The following PCDHGB3 variants were observed in gnomAD, a reference collection of about 807,000 sequenced individuals.
PCDHGB3 encodes protocadherin gamma subfamily B, 3.
In PCDHGB3, 40 loss-of-function variants were observed where a neutral mutation model predicts 59.2. That is an observed-to-expected ratio of 0.68 (90% confidence interval 0.52 to 0.88). PCDHGB3 has a LOEUF of 0.88. Ranked by LOEUF, PCDHGB3 falls within the 40% of genes least tolerant of loss-of-function variation. The pLI, the probability that PCDHGB3 is intolerant of heterozygous loss-of-function variation, is 0.00. For synonymous variants in PCDHGB3, 581 were observed against 503.6 expected (o/e 1.15, Z -2.06); for missense variants, 1,309 against 1,187.9 (o/e 1.10, Z -1.50).
rs549842756 is a variant in PCDHGB3 at position 141,470,331 on chromosome 5, A to T, written c.2416-24476A>T. ...TTTCCTCAAATGATCCCATAATTTG[A>T]CCTTAGGAAGCTGTTCAAATAGACA... is the stretch of plus-strand genomic sequence containing the variant. On this transcript the variant is annotated intron_variant, in intron 1 of 3. Transcript: ENST00000576222. 3.3e-4 allele frequency among the ~76,000 whole-genome samples: 50 copies of T among 152,244 alleles called. 1 individual carries two copies. Among genetic ancestry groups the T allele is most frequent in the African/African-American group, 1.1e-3 (47 of 41,536 alleles).
At chr5:141,374,121 A>G in intron 1 of PCDHGB3, 53 of 1,590,920 alleles carry the variant, frequency 3.3e-5, no homozygotes, top group Non-Finnish European at 4.5e-5. Context: ...CGCAGCGAGC[A>G]GGTCCTGCTC....
At chr5:141,438,607 T>C (rs924136790) in intron 1 of PCDHGB3, among the ~76,000 whole-genome samples, 2 of 27,412 alleles carry the variant, frequency 7.3e-5, no homozygotes. Flanking sequence ...TATATATATA[T>C]ATATATATAT....
intron 1 of PCDHGB3, chr5:141,375,574 G>A: frequency 6.2e-7 from 1 of 1,614,058 alleles, no homozygotes; most frequent in African/African-American, 1.3e-5. Context: ...ACACCCTCCA[G>A]GGGGCGCCCC....
chr5:141,395,542 TTGTGTGTGTGTGTGTGTGTG>T (rs55729045), intron 1 of PCDHGB3: 12 of 172,620 alleles, frequency 7.0e-5, no homozygotes, highest in Admixed American at 1.6e-4. Flanking sequence ...TTGCTATTGT[TTGTGTGTGTGTGTGTGTGTG>T]TGTGTGTGTG....
chr5:141,442,700 T>TC (rs1388243183), intron 1 of PCDHGB3, among the ~76,000 whole-genome samples: 5 of 152,198 alleles, frequency 3.3e-5, no homozygotes, highest in Non-Finnish European at 7.3e-5. Flanking sequence ...CAGACAAGAG[T>TC]ATCAGACATG....
intron 1 of PCDHGB3, among the ~76,000 whole-genome samples, chr5:141,437,686 G>A (rs1025629140): frequency 2.6e-5 from 4 of 151,740 alleles, no homozygotes; most frequent in African/African-American, 9.7e-5. Flanking sequence ...AACTGATGAG[G>A]CTAAATCTCA....
At chr5:141,451,597 C>CAAGG (rs1434393705) in intron 1 of PCDHGB3, among the ~76,000 whole-genome samples, 3 of 152,076 alleles carry the variant, frequency 2.0e-5, no homozygotes, top group Non-Finnish European at 2.9e-5. Flanking sequence ...AAGTGACATA[C>CAAGG]AAGGCTAGGC....
intron 1 of PCDHGB3, among the ~76,000 whole-genome samples, chr5:141,433,573 C>T (rs1400327372): frequency 1.3e-5 from 2 of 152,046 alleles, no homozygotes; most frequent in Admixed American, 1.3e-4. Flanking sequence ...CGGTGGCTCA[C>T]GCCTGTAATC....
At chr5:141,389,432 C>G in intron 1 of PCDHGB3, 1 of 1,610,650 alleles carries the variant, frequency 6.2e-7, no homozygotes, top group Non-Finnish European at 8.5e-7. Context: ...TCGCGCAGCG[C>G]GCCTTCGACC....
At chr5:141,405,385 A>G in intron 1 of PCDHGB3, 1 of 1,600,058 alleles carries the variant, frequency 6.2e-7, no homozygotes, top group Non-Finnish European at 8.5e-7. Flanking sequence ...CGGTGAGTTC[A>G]TTTTTTTTCT....
chr5:141,508,045 T>A (rs985875804), intron 3 of PCDHGB3: 1 of 152,264 alleles, frequency 6.6e-6, no homozygotes, highest in Non-Finnish European at 1.5e-5. Flanking sequence ...GCCAGCTGTG[T>A]TCCAGCTAAT....
At chr5:141,406,189 C>G (rs1277183811) in intron 1 of PCDHGB3, among the ~76,000 whole-genome samples, 1 of 151,722 alleles carries the variant, frequency 6.6e-6, no homozygotes, top group Admixed American at 6.6e-5. Context: ...CCTCCCACCT[C>G]AGCCTTCACA....
chr5:141,417,711 C>A, intron 1 of PCDHGB3: 1 of 1,261,876 alleles, frequency 7.9e-7, no homozygotes, highest in Non-Finnish European at 1.1e-6. Flanking sequence ...CACAGAGGCT[C>A]CCGGCTGCGC....
intron 1 of PCDHGB3, among the ~76,000 whole-genome samples, chr5:141,448,985 A>G (rs2098621528): frequency 6.6e-6 from 1 of 152,026 alleles, no homozygotes; most frequent in South Asian, 2.1e-4. Context: ...TTCCATATTA[A>G]TATATAGAAA....
chr5:141,405,279 C>G, intron 1 of PCDHGB3: 1 of 1,614,144 alleles, frequency 6.2e-7, no homozygotes, highest in Non-Finnish European at 8.5e-7. Flanking sequence ...CCCAACTATG[C>G]AGACACACTC....
chr5:141,392,690 G>T, intron 1 of PCDHGB3: 1 of 1,127,490 alleles, frequency 8.9e-7, no homozygotes, highest in Non-Finnish European at 1.2e-6. Flanking sequence ...AGCGAAACCC[G>T]ACCCCTGTTT....
In PCDHGB3 at chr5:141,399,794, C is replaced by A. The variant is rs2093888579; in HGVS notation, c.2415+26985C>A. ...GTGGGCGACCGAAACGACAACGCAC[C>A]GCGGGTGCTGTACCCCGCGCTGGGT... is the stretch of plus-strand genomic sequence containing the variant. On this transcript the variant is annotated intron_variant, in intron 1 of 3. Transcript: ENST00000576222. 1.9e-6 allele frequency: 3 copies of A among 1,613,268 alleles called. No homozygotes were observed. The highest frequency in any genetic ancestry group is 1.1e-5 in the South Asian group (1 of 91,052).
intron 1 of PCDHGB3, among the ~76,000 whole-genome samples, chr5:141,461,253 C>A (rs1358900194): frequency 6.6e-6 from 1 of 152,108 alleles, no homozygotes; most frequent in Non-Finnish European, 1.5e-5. Flanking sequence ...ATATTCCCAG[C>A]AGCAATGTGT....
At chr5:141,463,844 G>T (rs545618795) in intron 1 of PCDHGB3, among the ~76,000 whole-genome samples, 1 of 152,140 alleles carries the variant, frequency 6.6e-6, no homozygotes, top group African/African-American at 2.4e-5. Context: ...AGTTGTTATA[G>T]TGGTATATCT....
Sources: allele counts gnomAD v4.1 joint callset (sites outside exome capture counted in the v4.1 genomes callset), GRCh38; gene constraint gnomAD v4.1.1; transcripts MANE v1.5; gene names NCBI Gene and HGNC (gene_info 2026-07-23, HGNC 2026-07-21).